The following AMPH variants were observed in gnomAD, a reference collection of about 807,000 sequenced individuals.
AMPH encodes the protein amphiphysin, also known as amphiphysin (Stiff-Mann syndrome with breast cancer 128kD autoantigen).
In AMPH, 49 loss-of-function variants were observed where a neutral mutation model predicts 99.1. The ratio of observed to expected loss-of-function variants is 0.49; its 90% CI spans 0.39 to 0.63. AMPH has a LOEUF of 0.63. Among genes scored for constraint, AMPH ranks in the 20% least tolerant of loss-of-function variants. AMPH has a pLI of 0.00. For missense variants in AMPH, 759 were observed against 863.4 expected (o/e 0.88, Z 1.52); for synonymous variants, 314 against 317.3 (o/e 0.99, Z 0.11).
chr7:38,469,280 T>G (rs2129011769), intron 7 of AMPH, among the ~76,000 whole-genome samples: 1 of 150,928 alleles, frequency 6.6e-6, no homozygotes, highest in South Asian at 2.1e-4. Context: ...CTCTGAGACA[T>G]CACCATTTCC....
chr7:38,523,897 A>G (rs756183422), intron 2 of AMPH, among the ~76,000 whole-genome samples: 1 of 150,730 alleles, frequency 6.6e-6, no homozygotes, highest in Non-Finnish European at 1.5e-5. Context: ...TCCCCACAAA[A>G]TATTTATTAA....
chr7:38,499,722 G>A (rs1313508541), intron 3 of AMPH, among the ~76,000 whole-genome samples: 1 of 152,188 alleles, frequency 6.6e-6, no homozygotes, highest in Non-Finnish European at 1.5e-5. Context: ...GCATTGATAT[G>A]GTTTGGCTCT....
At chr7:38,406,748 C>CTG in intron 17 of AMPH, among the ~76,000 whole-genome samples, 1 of 140,884 alleles carries the variant, frequency 7.1e-6, no homozygotes, top group Admixed American at 7.0e-5. Context: ...CTCTCTCTCT[C>CTG]TCTCTCTCTC....
intron 11 of AMPH, among the ~76,000 whole-genome samples, chr7:38,437,698 G>C (rs2128996538): frequency 6.6e-6 from 1 of 151,734 alleles, no homozygotes; most frequent in South Asian, 2.1e-4. Flanking sequence ...CAGCTACTTG[G>C]GAGGCTGAGG....
chr7:38,504,238 ATC>A (rs1789248166), intron 2 of AMPH, among the ~76,000 whole-genome samples: 1 of 152,230 alleles, frequency 6.6e-6, no homozygotes, highest in East Asian at 1.9e-4. Context: ...TTAAAATTTC[ATC>A]TCTTTCTTTT....
chr7:38,525,275 T>TAGAGAGAGAGAG (rs1209069502), intron 2 of AMPH, among the ~76,000 whole-genome samples: 11 of 86,298 alleles, frequency 1.3e-4, no homozygotes, highest in Non-Finnish European at 2.1e-4. Context: ...TATATATATA[T>TAGAGAGAGAGAG]ATAGAGAGAG....
At chr7:38,614,570 C>A (rs551731256) in intron 1 of AMPH, among the ~76,000 whole-genome samples, 1 of 152,286 alleles carries the variant, frequency 6.6e-6, no homozygotes, top group Admixed American at 6.5e-5. Flanking sequence ...GCTTTGCTCT[C>A]ATCTTTCTCA....
At chr7:38,466,466 C>G (rs1190571701) in intron 7 of AMPH, among the ~76,000 whole-genome samples, 3 of 151,786 alleles carry the variant, frequency 2.0e-5, no homozygotes, top group Non-Finnish European at 4.4e-5. Context: ...CATGACCTCT[C>G]CTAAAATTCA....
chr7:38,529,873 T>C (rs1790328088), intron 2 of AMPH, among the ~76,000 whole-genome samples: 1 of 152,274 alleles, frequency 6.6e-6, no homozygotes, highest in Non-Finnish European at 1.5e-5. Flanking sequence ...AAGGTAAGTA[T>C]AATTTATCGT....
At chr7:38,479,516 G>A (rs2129015761) in intron 5 of AMPH, among the ~76,000 whole-genome samples, 1 of 152,068 alleles carries the variant, frequency 6.6e-6, no homozygotes, top group African/African-American at 2.4e-5. Context: ...ACTTTTAATT[G>A]CTTGAAAAGG....
chr7:38,455,081 C>CTT (rs558916967), intron 11 of AMPH, among the ~76,000 whole-genome samples: 12,570 of 146,044 alleles, frequency 0.086, 690 homozygotes, highest in Middle Eastern at 0.18. Flanking sequence ...TATTAAAATT[C>CTT]TTTTTTTTTT....
intron 11 of AMPH, among the ~76,000 whole-genome samples, chr7:38,451,656 A>G (rs1584109906): frequency 2.0e-5 from 3 of 152,280 alleles, no homozygotes; most frequent in South Asian, 4.1e-4. Context: ...ATGCCGATGT[A>G]AACTGTGAAA....
intron 17 of AMPH, among the ~76,000 whole-genome samples, chr7:38,401,361 C>A (rs1408278208): frequency 6.6e-6 from 1 of 152,132 alleles, no homozygotes; most frequent in Non-Finnish European, 1.5e-5. Flanking sequence ...TCCAAGTGCC[C>A]ACCACCTAGG....
At chr7:38,422,593 TC>T (rs773689378) in intron 15 of AMPH, 116 bp from the exon 16 acceptor site, 40,436 of 799,774 alleles carry the variant, frequency 0.051, 1,740 homozygotes, top group African/African-American at 0.16. Flanking sequence ...TATCTATCTA[TC>T]TATCTATCCA....
Position 38,520,403 on chromosome 7 carries a change from G to C in AMPH, c.150+14528C>G, listed in dbSNP as rs191995505. On this transcript the variant is annotated intron_variant, in intron 2 of 20. Coordinates refer to ENST00000356264, the MANE Select transcript of AMPH (RefSeq NM_001635.4). ...AAGAGGGCTTTGATATTAAACGAGT[G>C]AGGCACATAATATGCAAAGCAAAGG... is the stretch of plus-strand genomic sequence containing the variant. Among the ~76,000 whole-genome samples, 198 of 152,310 alleles carry C rather than the reference G, an allele frequency of 1.3e-3. 2 individuals carry two copies. Among genetic ancestry groups the C allele is most frequent in the African/African-American group, 4.5e-3 (189 of 41,562 alleles).
At chr7:38,543,649 A>G (rs533528626) in intron 1 of AMPH, among the ~76,000 whole-genome samples, 3 of 152,284 alleles carry the variant, frequency 2.0e-5, no homozygotes, top group Non-Finnish European at 2.9e-5. Flanking sequence ...AACACTGAAA[A>G]TTAGAGAGGT....
chr7:38,481,181 C>T (rs1163723050), intron 5 of AMPH, among the ~76,000 whole-genome samples: 1 of 152,000 alleles, frequency 6.6e-6, no homozygotes, highest in East Asian at 1.9e-4. Flanking sequence ...CCTTACCTAT[C>T]TGATATTTGG....
Position 38,417,734 on chromosome 7 carries a change from G to A in AMPH, c.1398+91C>T. Reference sequence around the variant, plus strand: ...GATATGGAGCATGTTTGGCCCAAGTGAGGCAAAGATGAGAGCGATGCATAT... The same window carrying A: ...GATATGGAGCATGTTTGGCCCAAGTAAGGCAAAGATGAGAGCGATGCATAT... On this transcript the variant is annotated intron_variant, in intron 17 of 20. Transcript: ENST00000356264. 2.0e-6 allele frequency: 3 copies of A among 1,520,604 alleles called. No individual in the cohort carries two copies. The South Asian group carries it at 3.8e-5, about 19-fold the overall frequency. 94.2% of individuals were successfully genotyped at this position (1,520,604 alleles called of 1,614,324 possible).
At chr7:38,450,094 T>C (rs1444263042) in intron 11 of AMPH, among the ~76,000 whole-genome samples, 2 of 152,184 alleles carry the variant, frequency 1.3e-5, no homozygotes, top group Non-Finnish European at 2.9e-5. Context: ...ACACTCAGGA[T>C]TGAAAGGCTG....
Sources: allele counts gnomAD v4.1 joint callset (sites outside exome capture counted in the v4.1 genomes callset), GRCh38; gene constraint gnomAD v4.1.1; transcripts MANE v1.5; gene names NCBI Gene and HGNC (gene_info 2026-07-23, HGNC 2026-07-21).